The following ARHGAP26 variants were observed in gnomAD, a reference collection of about 807,000 sequenced individuals.
ARHGAP26 encodes Rho GTPase activating protein 26, also known as rho GTPase-activating protein 26.
Under a neutral mutation model 104.8 loss-of-function variants are expected in ARHGAP26, and 38 were observed. That is an observed-to-expected ratio of 0.36 (90% CI 0.28 to 0.48). The LOEUF (loss-of-function observed/expected upper bound fraction) is 0.48. ARHGAP26 is among the 20% of genes least tolerant of loss of function. ARHGAP26 has a pLI of 0.99. For missense variants in ARHGAP26, 704 were observed against 947.9 expected (o/e 0.74, Z 3.38); for synonymous variants, 341 against 340.0 (o/e 1.00, Z -0.03).
chr5:143,217,858 T>C (rs1413909680), intron 22 of ARHGAP26, among the ~76,000 whole-genome samples: 4 of 152,212 alleles, frequency 2.6e-5, no homozygotes, highest in Non-Finnish European at 5.9e-5. Flanking sequence ...GAGTCATCTT[T>C]GAAAATGAAA....
At chr5:142,777,007 T>C (rs1756461794) in intron 1 of ARHGAP26, among the ~76,000 whole-genome samples, 1 of 152,246 alleles carries the variant, frequency 6.6e-6, no homozygotes, top group Non-Finnish European at 1.5e-5. Context: ...TGCATTATCC[T>C]GGTGACCAAT....
chr5:143,097,160 G>T (rs757501579), intron 17 of ARHGAP26, among the ~76,000 whole-genome samples: 1 of 151,966 alleles, frequency 6.6e-6, no homozygotes, highest in African/African-American at 2.4e-5. Context: ...CCGACATGGC[G>T]AAACCCCGTC....
intron 2 of ARHGAP26, 123 bp from the exon 3 acceptor site, chr5:142,874,986 CA>C: frequency 1.3e-6 from 1 of 741,242 alleles, no homozygotes; most frequent in Non-Finnish European, 2.3e-6. Flanking sequence ...CCTTGGGAAG[CA>C]ATTGACTTTA....
At chr5:142,950,206 TG>T (rs1768095341) in intron 11 of ARHGAP26, among the ~76,000 whole-genome samples, 1 of 151,746 alleles carries the variant, frequency 6.6e-6, no homozygotes, top group South Asian at 2.1e-4. Flanking sequence ...GAGGAGTGAA[TG>T]GGGAGGGGCA....
intron 1 of ARHGAP26, among the ~76,000 whole-genome samples, chr5:142,851,061 A>C (rs549849998): frequency 1.8e-4 from 28 of 151,920 alleles, no homozygotes; most frequent in African/African-American, 6.8e-4. Flanking sequence ...TTCACAGATG[A>C]GTGGATTTTG....
At chr5:142,955,461 A>G (rs1240646205) in intron 11 of ARHGAP26, among the ~76,000 whole-genome samples, 1 of 152,178 alleles carries the variant, frequency 6.6e-6, no homozygotes, top group Non-Finnish European at 1.5e-5. Context: ...AATTATGTAC[A>G]CAGGAAGTTT....
At chr5:142,793,727 A>G (rs1484950815) in intron 1 of ARHGAP26, among the ~76,000 whole-genome samples, 3 of 152,022 alleles carry the variant, frequency 2.0e-5, no homozygotes, top group African/African-American at 7.2e-5. Flanking sequence ...AGCTGGGATT[A>G]CAGATGTGCG....
At chr5:142,981,465 C>T (rs1215488243) in intron 11 of ARHGAP26, among the ~76,000 whole-genome samples, 1 of 152,194 alleles carries the variant, frequency 6.6e-6, no homozygotes, top group Non-Finnish European at 1.5e-5. Context: ...GCACCTTCCT[C>T]TGCCTCCCTA....
In ARHGAP26 at chr5:143,227,072, C is replaced by T. The variant is rs2151445039; in HGVS notation, c.*4626C>T. Reference sequence around the variant, plus strand: ...AGAAGAAGCCAAAGATAACCTGATCCCTGCCTGTCTGTTGGCACCTGTCAT... The same window carrying T: ...AGAAGAAGCCAAAGATAACCTGATCTCTGCCTGTCTGTTGGCACCTGTCAT... On this transcript the variant is annotated 3_prime_UTR_variant, in exon 23 of 23. Transcript: ENST00000645722. The T allele has an allele frequency of 4.3e-6, 1 of 230,676 alleles. No individual in the cohort carries two copies. The highest frequency in any genetic ancestry group is 6.2e-5 in the East Asian group (1 of 16,246). 14.3% of individuals were successfully genotyped at this position (230,676 alleles called of 1,614,324 possible).
chr5:142,989,926 T>C (rs1037050469), intron 11 of ARHGAP26, among the ~76,000 whole-genome samples: 6 of 151,552 alleles, frequency 4.0e-5, no homozygotes, highest in African/African-American at 4.8e-5. Flanking sequence ...CTGACAATTA[T>C]GTGTCTTGGA....
chr5:142,956,042 A>G (rs1452756923), intron 11 of ARHGAP26, among the ~76,000 whole-genome samples: 1 of 152,236 alleles, frequency 6.6e-6, no homozygotes, highest in Non-Finnish European at 1.5e-5. Context: ...AGAATATTCA[A>G]AGCCATATTG....
intron 17 of ARHGAP26, among the ~76,000 whole-genome samples, chr5:143,102,437 G>A (rs550400317): frequency 4.6e-5 from 7 of 152,170 alleles, no homozygotes; most frequent in Non-Finnish European, 8.8e-5. Context: ...GACTCTCCTA[G>A]AACAAGTTCT....
intron 5 of ARHGAP26, among the ~76,000 whole-genome samples, chr5:142,889,932 C>T (rs949721205): frequency 2.7e-5 from 4 of 147,458 alleles, no homozygotes; most frequent in Admixed American, 2.0e-4. Context: ...GTCTGGAGTT[C>T]GAGACCAGCC....
chr5:142,868,399 AG>A (rs1754705389), intron 1 of ARHGAP26, among the ~76,000 whole-genome samples: 1 of 152,152 alleles, frequency 6.6e-6, no homozygotes, highest in East Asian at 1.9e-4. Flanking sequence ...AAGCCATCAC[AG>A]GGCTCACTGC....
intron 1 of ARHGAP26, among the ~76,000 whole-genome samples, chr5:142,808,450 T>C (rs1207375265): frequency 1.3e-5 from 2 of 151,810 alleles, no homozygotes; most frequent in African/African-American, 4.8e-5. Flanking sequence ...CTCTTTTTTT[T>C]TTCTCATCAG....
chr5:142,851,327 C>A (rs1751483688), intron 1 of ARHGAP26, among the ~76,000 whole-genome samples: 1 of 152,116 alleles, frequency 6.6e-6, no homozygotes, highest in South Asian at 2.1e-4. Flanking sequence ...GAACTCCTGA[C>A]CTCAGGTAAC....
intron 11 of ARHGAP26, among the ~76,000 whole-genome samples, chr5:142,972,037 C>T (rs1156526775): frequency 6.6e-6 from 1 of 152,118 alleles, no homozygotes; most frequent in Non-Finnish European, 1.5e-5. Context: ...CAAAAATTAG[C>T]TGGGTGTGGT....
intron 1 of ARHGAP26, among the ~76,000 whole-genome samples, chr5:142,828,713 G>A (rs1767793354): frequency 6.6e-6 from 1 of 152,182 alleles, no homozygotes; most frequent in Admixed American, 6.5e-5. Flanking sequence ...GTCTGGTTTG[G>A]CAAGGGCTTG....
At chr5:143,048,700 G>A (rs1021535667) in intron 14 of ARHGAP26, among the ~76,000 whole-genome samples, 1 of 151,814 alleles carries the variant, frequency 6.6e-6, no homozygotes, top group Non-Finnish European at 1.5e-5. Flanking sequence ...CGGATCACAA[G>A]GTCAGGAGTT....
Sources: allele counts gnomAD v4.1 joint callset (sites outside exome capture counted in the v4.1 genomes callset), GRCh38; gene constraint gnomAD v4.1.1; transcripts MANE v1.5; gene names NCBI Gene and HGNC (gene_info 2026-07-23, HGNC 2026-07-21).